The following BCR variants were observed in gnomAD, a reference collection of about 807,000 sequenced individuals.
The protein encoded by BCR is BCR activator of RhoGEF and GTPase, also known as breakpoint cluster region protein.
Under a neutral mutation model 138.6 loss-of-function variants are expected in BCR, and 58 were observed. The ratio of observed to expected loss-of-function variants is 0.42; its 90% confidence interval spans 0.34 to 0.52. The LOEUF (loss-of-function observed/expected upper bound fraction) is 0.52, where lower values mean the gene tolerates loss of function less well. Among genes scored for constraint, BCR ranks in the 20% least tolerant of loss-of-function variants. The pLI, the probability that BCR is intolerant of heterozygous loss-of-function variation, is 0.06. For missense variants in BCR, 1,599 were observed against 1,727.2 expected, an observed-to-expected ratio of 0.93 and a Z score of 1.32; for synonymous variants, 786 against 730.1, an observed-to-expected ratio of 1.08 and a Z score of -1.23.
At chr22:23,284,318 A>G (rs2073684765) in intron 9 of BCR, among the ~76,000 whole-genome samples, 1 of 152,024 alleles carries the variant, frequency 6.6e-6, no homozygotes, top group Middle Eastern at 3.4e-3. Flanking sequence ...TGAGGGGTAA[A>G]CCCGACCGTG....
At chr22:23,267,846 C>G (rs1057010725) in intron 4 of BCR, among the ~76,000 whole-genome samples, 9 of 152,204 alleles carry the variant, frequency 5.9e-5, no homozygotes, top group Admixed American at 4.6e-4. Context: ...CGGTCTCCCC[C>G]CACCAGGTGT....
chr22:23,253,546 T>A (rs192030097), intron 1 of BCR, among the ~76,000 whole-genome samples: 1 of 152,310 alleles, frequency 6.6e-6, no homozygotes, highest in Admixed American at 6.5e-5. Flanking sequence ...ATTTCTTAAG[T>A]CACAACCCCC....
intron 4 of BCR, among the ~76,000 whole-genome samples, chr22:23,267,163 C>T (rs1241271759): frequency 6.6e-6 from 1 of 152,138 alleles, no homozygotes; most frequent in Non-Finnish European, 1.5e-5. Context: ...GGTGACAAGG[C>T]CTAAAGCAGG....
chr22:23,313,878 G>A lies in BCR; in HGVS notation c.3458-90G>A, dbSNP rs1395684688. On this transcript the variant is annotated intron_variant, in intron 20 of 22. Transcript: ENST00000305877. ...ATGATGACGAGCCTGGGCTGTGCAG[G>A]GACACAAGCCCCAGGTGCTCCATGT... is the stretch of plus-strand genomic sequence containing the variant. 1.7e-5 allele frequency: 17 copies of A among 1,027,976 alleles called. No individual in the cohort carries two copies. The East Asian group carries it at 3.3e-4, about 20-fold the overall frequency. The allele number at this position is 1,027,976 out of a possible 1,614,324, so 63.7% of individuals were successfully genotyped here.
At chr22:23,236,572 C>T (rs1431409945) in intron 1 of BCR, among the ~76,000 whole-genome samples, 1 of 152,236 alleles carries the variant, frequency 6.6e-6, no homozygotes, top group Non-Finnish European at 1.5e-5. Context: ...AGCCAAGATA[C>T]AAAGCACTTA....
intron 1 of BCR, among the ~76,000 whole-genome samples, chr22:23,230,057 T>A (rs544700580): frequency 1.3e-5 from 2 of 151,498 alleles, no homozygotes; most frequent in East Asian, 3.9e-4. Flanking sequence ...TGGTTCTTTT[T>A]TTTTTTTCCT....
At chr22:23,196,988 T>G (rs2072491857) in intron 1 of BCR, among the ~76,000 whole-genome samples, 1 of 152,222 alleles carries the variant, frequency 6.6e-6, no homozygotes, top group African/African-American at 2.4e-5. Context: ...TTATGTAAAA[T>G]GCCATAGCTA....
At chr22:23,301,199 G>A (rs142064109) in intron 16 of BCR, among the ~76,000 whole-genome samples, 184 of 152,372 alleles carry the variant, frequency 1.2e-3, no homozygotes, top group African/African-American at 4.0e-3. Context: ...CCAGCTACTC[G>A]GGAAGCCAAG....
chr22:23,298,396 G>C (rs1031481538), intron 16 of BCR, among the ~76,000 whole-genome samples: 8 of 152,120 alleles, frequency 5.3e-5, no homozygotes, highest in Non-Finnish European at 2.9e-5. Flanking sequence ...GGATCTAGCT[G>C]GAATAAAAAG....
At chr22:23,263,693 C>T in intron 4 of BCR, 1 of 1,397,552 alleles carries the variant, frequency 7.2e-7, no homozygotes. Context: ...ATTCACAGCA[C>T]CTTCGCTGCC....
At chr22:23,281,340 G>C (rs944955728) in intron 8 of BCR, among the ~76,000 whole-genome samples, 5 of 152,262 alleles carry the variant, frequency 3.3e-5, no homozygotes, top group African/African-American at 4.8e-5. Flanking sequence ...CCGGCTTTGG[G>C]ATGCAGTCAG....
At chr22:23,273,243 G>A (rs1318105830) in intron 7 of BCR, 110 bp downstream of exon 7, 14 of 1,242,236 alleles carry the variant, frequency 1.1e-5, no homozygotes, top group Non-Finnish European at 1.6e-5. Context: ...CCAAGGGGGT[G>A]CTACTGGCAT....
intron 8 of BCR, among the ~76,000 whole-genome samples, chr22:23,278,328 C>T (rs888819288): frequency 1.3e-5 from 2 of 152,202 alleles, no homozygotes; most frequent in East Asian, 1.9e-4. Context: ...ACAGGAGCTG[C>T]AGGAAGGCCC....
At chr22:23,242,917 G>A (rs1249987383) in intron 1 of BCR, 3 of 455,550 alleles carry the variant, frequency 6.6e-6, no homozygotes, top group South Asian at 4.7e-5. Context: ...GCATCTGATG[G>A]CCCACGGCAT....
At chr22:23,190,998 T>C (rs1303636635) in intron 1 of BCR, among the ~76,000 whole-genome samples, 2 of 152,022 alleles carry the variant, frequency 1.3e-5, no homozygotes, top group Non-Finnish European at 2.9e-5. Context: ...AGTGGCATGA[T>C]CATAGCTCAC....
intron 2 of BCR, among the ~76,000 whole-genome samples, chr22:23,255,563 A>G (rs1410126490): frequency 2.0e-5 from 3 of 152,102 alleles, no homozygotes; most frequent in African/African-American, 4.8e-5. Flanking sequence ...GAGAAAGGCA[A>G]TTTCTTTCCA....
rs762415578 is a variant in BCR, at chr22:23,181,490, A to G, written c.530A>G (p.Tyr177Cys). The stretch of plus-strand genomic sequence containing the variant: ...GGGGCGGACGCCGAGAAGCCCTTCT[A>G]CGTGAACGTCGAGTTTCACCACGAG... The part of the protein sequence containing the change: ...QPGADAEKPF[Y>C]VNVEFHHERG... The change falls in exon 1 of 23, where the codon TAC (tyrosine) becomes TGC (cysteine). Residue 177 changes from tyrosine to cysteine, a missense_variant. Around this residue, in one of 4 missense-constraint regions of BCR, gnomAD observed 806 missense variants for 635.0 expected, o/e 1.27. Coordinates refer to ENST00000305877, the MANE Select transcript of BCR (RefSeq NM_004327.4). 6 of 1,611,876 alleles carry G rather than the reference A, an allele frequency of 3.7e-6. No individual in the cohort carries two copies. The highest frequency in any genetic ancestry group is 2.2e-5 in the South Asian group (2 of 91,054).
intron 16 of BCR, among the ~76,000 whole-genome samples, chr22:23,301,485 A>G (rs925305502): frequency 7.2e-5 from 11 of 152,178 alleles, no homozygotes; most frequent in African/African-American, 1.7e-4. Context: ...CCCTCCAGCA[A>G]TGTGTCCCAT....
rs1420217479 is a variant in BCR, at chr22:23,202,759, A to G, written c.1279+20520A>G. Among the ~76,000 whole-genome samples, 307 of 92,184 alleles carry G rather than the reference A, an allele frequency of 3.3e-3. 3 individuals are homozygous for G. The highest frequency in any genetic ancestry group is 0.011 in the African/African-American group (240 of 22,840). 60.5% of individuals were successfully genotyped at this position (92,184 alleles called of 152,430 possible). On this transcript the variant is annotated intron_variant, in intron 1 of 22. Coordinates refer to ENST00000305877, the MANE Select transcript of BCR (RefSeq NM_004327.4). ...TGTGTGTGTGTGTGTATATATATAT[A>G]TATTTAATCTATCATTCATTGATGG...
Sources: gnomAD v4.1 joint callset for allele counts (sites outside exome capture counted in the v4.1 genomes callset) on GRCh38, gnomAD v4.1.1 for gene constraint, gnomAD v4.1.1 regional missense constraint, MANE v1.5 for transcripts, NCBI Gene and HGNC (gene_info 2026-07-23, HGNC 2026-07-21) for gene names.